Variants in FCHSD2 observed in about 807,000 individuals in gnomAD.
FCHSD2 encodes FCH and double SH3 domains 2.
Under a neutral mutation model 108.1 loss-of-function variants are expected in FCHSD2, and 38 were observed. The ratio of observed to expected loss-of-function variants is 0.35; its 90% CI spans 0.27 to 0.46. FCHSD2 has a LOEUF of 0.46. Ranked by LOEUF, FCHSD2 falls within the 20% of genes least tolerant of loss-of-function variation. FCHSD2 has a pLI of 1.00. For synonymous variants in FCHSD2, 279 were observed against 314.7 expected (o/e 0.89, Z 1.20); for missense variants, 751 against 897.8 (o/e 0.84, Z 2.09).
At chr11:73,025,041 G>A (rs1365099669) in intron 3 of FCHSD2, among the ~76,000 whole-genome samples, 1 of 152,182 alleles carries the variant, frequency 6.6e-6, no homozygotes, top group South Asian at 2.1e-4. Flanking sequence ...CACTGTTTAT[G>A]GAAGTGTAAA....
Position 72,843,519 on chromosome 11 carries a change from T to G in FCHSD2, c.1457A>C (p.Asp486Ala). ...CTCATGTTCCTCAATGGTCAACTCA[T>G]CTGGTTGAGAAGCCTGCAGTGTAGG... ...VVYSYKASQP[D>A]ELTIEEHEVL... The change falls in exon 15 of 20, where the codon GAT (aspartate) becomes GCT (alanine). Residue 486 changes from aspartate to alanine, a missense_variant. Asp to Ala is a moderately radical substitution (Grantham distance 126). Coordinates refer to ENST00000409418, the MANE Select transcript of FCHSD2 (RefSeq NM_014824.3). 1 of 1,613,162 alleles carries G rather than the reference T, an allele frequency of 6.2e-7. No homozygotes were observed. The highest frequency in any genetic ancestry group is 1.3e-5 in the African/African-American group (1 of 75,016).
At chr11:72,968,734 A>G (rs1856958180) in intron 8 of FCHSD2, among the ~76,000 whole-genome samples, 1 of 152,214 alleles carries the variant, frequency 6.6e-6, no homozygotes, top group South Asian at 2.1e-4. Context: ...CCCCATGAGC[A>G]TAAGGCCTGC....
At chr11:72,870,026 C>A (rs983527629) in intron 12 of FCHSD2, among the ~76,000 whole-genome samples, 2 of 152,180 alleles carry the variant, frequency 1.3e-5, no homozygotes, top group African/African-American at 4.8e-5. Context: ...TCCCACCCCA[C>A]TGTCCCACTT....
intron 2 of FCHSD2, among the ~76,000 whole-genome samples, chr11:73,092,133 A>C (rs1427904957): frequency 6.6e-6 from 1 of 152,012 alleles, no homozygotes; most frequent in Non-Finnish European, 1.5e-5. Context: ...ATCCTCCAGC[A>C]TCTTCTTTTT....
chr11:72,971,143 T>A (rs1234931307), intron 8 of FCHSD2, among the ~76,000 whole-genome samples: 1 of 152,110 alleles, frequency 6.6e-6, no homozygotes, highest in Non-Finnish European at 1.5e-5. Context: ...TCATTTGTCA[T>A]GCAGAGTAAC....
At chr11:73,120,642 T>A (rs1440594582) in intron 2 of FCHSD2, among the ~76,000 whole-genome samples, 5 of 152,044 alleles carry the variant, frequency 3.3e-5, no homozygotes, top group African/African-American at 4.8e-5. Context: ...GGCTGGAGAA[T>A]CATTTCATCT....
chr11:73,131,815 A>G (rs1861010597), intron 2 of FCHSD2, among the ~76,000 whole-genome samples: 1 of 152,236 alleles, frequency 6.6e-6, no homozygotes, highest in Admixed American at 6.5e-5. Flanking sequence ...CAATACCGTT[A>G]CTTAGAATTT....
intron 2 of FCHSD2, among the ~76,000 whole-genome samples, chr11:73,133,741 C>T (rs1591582227): frequency 1.4e-5 from 2 of 146,340 alleles, no homozygotes; most frequent in African/African-American, 5.1e-5. Flanking sequence ...TACAACGAGC[C>T]GGCATCGCGC....
At chr11:73,113,656 T>C (rs937025678) in intron 2 of FCHSD2, among the ~76,000 whole-genome samples, 3 of 152,220 alleles carry the variant, frequency 2.0e-5, no homozygotes, top group African/African-American at 7.2e-5. Context: ...GTCGTCATAG[T>C]CTGGGCTTGT....
chr11:72,903,168 A>C lies in FCHSD2; in HGVS notation c.829-530T>G, dbSNP rs556823954. Among the ~76,000 whole-genome samples the C allele has an allele frequency of 2.6e-5, 4 of 151,984 alleles. No individual in the cohort carries two copies. The East Asian group carries it at 7.7e-4, about 29-fold the overall frequency. On this transcript the variant is annotated intron_variant, in intron 9 of 19. Coordinates refer to ENST00000409418, the MANE Select transcript of FCHSD2 (RefSeq NM_014824.3). ...ATTACCATCTTACAGCATACCAAGA[A>C]GACAGGCTAGAAAGGAATTTATTTA...
intron 8 of FCHSD2, among the ~76,000 whole-genome samples, chr11:72,933,516 T>C (rs1856236481): frequency 6.6e-6 from 1 of 152,194 alleles, no homozygotes; most frequent in Non-Finnish European, 1.5e-5. Context: ...CTAAGCTACT[T>C]TGAGTTGGGT....
intron 4 of FCHSD2, among the ~76,000 whole-genome samples, chr11:73,012,403 G>A (rs1857882162): frequency 6.6e-6 from 1 of 152,128 alleles, no homozygotes; most frequent in South Asian, 2.1e-4. Flanking sequence ...ATTACCCTAG[G>A]GGAGCAGAAA....
intron 2 of FCHSD2, among the ~76,000 whole-genome samples, chr11:73,121,210 C>T (rs1860727980): frequency 6.6e-6 from 1 of 152,060 alleles, no homozygotes; most frequent in South Asian, 2.1e-4. Context: ...CGCACACACA[C>T]ACCTCCCAAG....
intron 3 of FCHSD2, among the ~76,000 whole-genome samples, chr11:73,052,793 C>T (rs1020663622): frequency 6.6e-6 from 1 of 152,078 alleles, no homozygotes; most frequent in Non-Finnish European, 1.5e-5. Flanking sequence ...AAAAAAGATG[C>T]TAATAGCATG....
At chr11:72,896,526 T>C (rs1855420844) in intron 10 of FCHSD2, among the ~76,000 whole-genome samples, 1 of 152,098 alleles carries the variant, frequency 6.6e-6, no homozygotes, top group Non-Finnish European at 1.5e-5. Flanking sequence ...AGTCATGTAC[T>C]TAAAATTATT....
intron 8 of FCHSD2, among the ~76,000 whole-genome samples, chr11:72,934,009 T>C (rs1219527743): frequency 6.9e-6 from 1 of 144,548 alleles, no homozygotes; most frequent in African/African-American, 2.6e-5. Context: ...TTCAGGAGGC[T>C]GAGGTAGGAG....
chr11:73,098,037 G>A (rs1047730302), intron 2 of FCHSD2, among the ~76,000 whole-genome samples: 1 of 151,998 alleles, frequency 6.6e-6, no homozygotes, highest in Non-Finnish European at 1.5e-5. Flanking sequence ...TAGTTTCATT[G>A]ATTCTCTTCA....
At chr11:72,875,583 T>A (rs183283548) in intron 12 of FCHSD2, among the ~76,000 whole-genome samples, 149 of 152,302 alleles carry the variant, frequency 9.8e-4, no homozygotes, top group Non-Finnish European at 1.3e-3. Context: ...TCCGCCCTCC[T>A]GCCCTGGCCT....
intron 4 of FCHSD2, among the ~76,000 whole-genome samples, chr11:73,007,885 G>C (rs953093669): frequency 1.3e-5 from 2 of 152,204 alleles, no homozygotes; most frequent in Non-Finnish European, 2.9e-5. Flanking sequence ...GAACTGGGTG[G>C]GGAATGTAAG....
Sources: gnomAD v4.1 joint callset for allele counts (sites outside exome capture counted in the v4.1 genomes callset) on GRCh38, gnomAD v4.1.1 for gene constraint, MANE v1.5 for transcripts, NCBI Gene and HGNC (gene_info 2026-07-23, HGNC 2026-07-21) for gene names.